The following LY96 variants were observed in gnomAD, a reference collection of about 807,000 sequenced individuals.
The protein encoded by LY96 is myeloid differentiation protein-2.
In LY96, 18 loss-of-function variants were observed where a neutral mutation model predicts 18.9. The ratio of observed to expected loss-of-function variants is 0.95; its 90% confidence interval spans 0.66 to 1.41. The LOEUF (loss-of-function observed/expected upper bound fraction) is 1.41. Among genes scored for constraint, LY96 ranks in the 40% most tolerant of loss-of-function variants. The pLI is 0.00. For synonymous variants in LY96, 66 were observed against 62.6 expected (o/e 1.06, Z -0.26); for missense variants, 175 against 182.4 (o/e 0.96, Z 0.23).
At chr8:74,017,692 C>T (rs1816672817) in intron 3 of LY96, among the ~76,000 whole-genome samples, 1 of 152,192 alleles carries the variant, frequency 6.6e-6, no homozygotes. Context: ...ATCAGACTAA[C>T]AGTGGATCTC....
downstream of LY96, among the ~76,000 whole-genome samples, chr8:74,033,208 G>A (rs1273803302): frequency 2.6e-5 from 4 of 152,066 alleles, no homozygotes; most frequent in Non-Finnish European, 5.9e-5. Flanking sequence ...TGGGTAAGGA[G>A]AAAGGGATTA....
chr8:74,026,012 C>T (rs1245916382), intron 3 of LY96, among the ~76,000 whole-genome samples: 1 of 151,934 alleles, frequency 6.6e-6, no homozygotes, highest in East Asian at 1.9e-4. Context: ...CATCTCAAAA[C>T]AAAGAAACAA....
the LY96 span, among the ~76,000 whole-genome samples, chr8:74,051,157 A>G: frequency 6.6e-6 from 1 of 152,342 alleles, no homozygotes; most frequent in East Asian, 1.9e-4. Context: ...TTCATTTATA[A>G]TTCTCAGAGC....
intron 3 of LY96, among the ~76,000 whole-genome samples, chr8:74,016,794 G>A (rs775519603): frequency 6.6e-5 from 10 of 152,216 alleles, no homozygotes; most frequent in Non-Finnish European, 1.2e-4. Flanking sequence ...AACTCCAACA[G>A]ACCTGCATCT....
chr8:74,014,011 G>A (rs1816586762), intron 3 of LY96, among the ~76,000 whole-genome samples: 1 of 152,092 alleles, frequency 6.6e-6, no homozygotes, highest in African/African-American at 2.4e-5. Flanking sequence ...AGAGCATCCA[G>A]GAGGCTCTGT....
At chr8:74,078,110 T>TA in the LY96 span, among the ~76,000 whole-genome samples, 8,213 of 122,052 alleles carry the variant, frequency 0.067, 271 homozygotes, top group African/African-American at 0.11. Context: ...CCTGTCTCAA[T>TA]AAAAAAAAAA....
chr8:74,079,285 G>A, the LY96 span, among the ~76,000 whole-genome samples: 1 of 152,186 alleles, frequency 6.6e-6, no homozygotes, highest in Non-Finnish European at 1.5e-5. Flanking sequence ...GCTTGCAGAT[G>A]CAGATTGTGA....
the LY96 span, among the ~76,000 whole-genome samples, chr8:74,075,712 A>T: frequency 1.3e-5 from 2 of 152,182 alleles, no homozygotes; most frequent in South Asian, 4.1e-4. Context: ...AGTAATTCCT[A>T]TTAGTGAAAA....
the LY96 span, among the ~76,000 whole-genome samples, chr8:74,089,033 A>C: frequency 2.0e-5 from 3 of 152,160 alleles, no homozygotes; most frequent in African/African-American, 7.2e-5. Flanking sequence ...TGGGGTGAGA[A>C]GGGTGCAGAG....
the LY96 span, among the ~76,000 whole-genome samples, chr8:74,039,265 T>C: frequency 6.6e-6 from 1 of 152,308 alleles, no homozygotes; most frequent in South Asian, 2.1e-4. Context: ...TCCTTATATA[T>C]TCTGGTTAGA....
chr8:74,098,308 A>G, the LY96 span, among the ~76,000 whole-genome samples: 2 of 152,144 alleles, frequency 1.3e-5, no homozygotes, highest in African/African-American at 4.8e-5. Context: ...AATGTCCCTT[A>G]TGGTGCAAGC....
At chr8:74,033,981 C>T (rs955202283), downstream of LY96, among the ~76,000 whole-genome samples, 2 of 151,858 alleles carry the variant, frequency 1.3e-5, no homozygotes, top group Non-Finnish European at 2.9e-5. Context: ...TTAAAAGGAA[C>T]CTATGTGGCC....
At chr8:74,054,296 G>C in the LY96 span, among the ~76,000 whole-genome samples, 1 of 152,096 alleles carries the variant, frequency 6.6e-6, no homozygotes, top group African/African-American at 2.4e-5. Context: ...CCAAAGTACT[G>C]AGATTACAGG....
At chr8:74,051,000 G>A in the LY96 span, among the ~76,000 whole-genome samples, 1 of 152,212 alleles carries the variant, frequency 6.6e-6, no homozygotes, top group Non-Finnish European at 1.5e-5. Flanking sequence ...TCCAGCCTGA[G>A]CGACAGAGTG....
At chr8:73,998,152 A>G (rs1212267471) in intron 1 of LY96, among the ~76,000 whole-genome samples, 2 of 152,166 alleles carry the variant, frequency 1.3e-5, no homozygotes, top group Non-Finnish European at 2.9e-5. Flanking sequence ...AGATGCTGCT[A>G]TTGCCCAGGA....
chr8:74,001,968 T>C (rs534473697), intron 1 of LY96, among the ~76,000 whole-genome samples: 42 of 130,366 alleles, frequency 3.2e-4, no homozygotes, highest in Non-Finnish European at 4.5e-4. Context: ...CCTTCCTTCC[T>C]TCCTTCCTTC....
intron 1 of LY96, among the ~76,000 whole-genome samples, chr8:73,995,180 C>T (rs1270174521): frequency 6.6e-6 from 1 of 152,192 alleles, no homozygotes; most frequent in Non-Finnish European, 1.5e-5. Context: ...TGGGATGAGA[C>T]AGCAAGAACG....
Position 74,003,442 on chromosome 8 carries a change from C to T in LY96, c.113-1354C>T, listed in dbSNP as rs147442252. On this transcript the variant is annotated intron_variant, in intron 1 of 4. Coordinates refer to ENST00000284818, the MANE Select transcript of LY96 (RefSeq NM_015364.5). ...TTCATAACTCAGGACTATACATGAA[C>T]ATTGCTATGCAACCCAGATGTCTGT... Among the ~76,000 whole-genome samples, 24 of 152,320 alleles carry T rather than the reference C, an allele frequency of 1.6e-4. 1 individual carries two copies. The East Asian group carries it at 4.2e-3, about 27-fold the overall frequency.
the LY96 span, among the ~76,000 whole-genome samples, chr8:74,072,424 A>G: frequency 6.6e-6 from 1 of 152,146 alleles, no homozygotes; most frequent in African/African-American, 2.4e-5. Flanking sequence ...TTCCACTTCT[A>G]ACTGATGCAT....
Sources: allele counts gnomAD v4.1 joint callset (sites outside exome capture counted in the v4.1 genomes callset), GRCh38; gene constraint gnomAD v4.1.1; transcripts MANE v1.5; gene names NCBI Gene and HGNC (gene_info 2026-07-23, HGNC 2026-07-21).